Variants in PRR35 observed in about 807,000 individuals in gnomAD.
PRR35 encodes the protein proline rich 35.
In PRR35, 14 loss-of-function variants were observed where a neutral mutation model predicts 18.6. The observed-to-expected ratio is 0.75, with a 90% confidence interval of 0.50 to 1.18. The LOEUF (loss-of-function observed/expected upper bound fraction) is 1.18, where lower values mean the gene tolerates loss of function less well. Among genes scored for constraint, PRR35 ranks in the 50% most tolerant of loss-of-function variants. The probability of loss-of-function intolerance (pLI) is 0.00; values close to 1 mark genes in which losing one functional copy is unlikely to be tolerated. For missense variants in PRR35, 832 were observed against 792.2 expected (o/e 1.05, Z -0.60); for synonymous variants, 425 against 378.2 (o/e 1.12, Z -1.43).
Position 563,558 on chromosome 16 carries a change from C to A in PRR35, c.264C>A (p.Pro88=). 2 of 1,608,656 alleles carry A rather than the reference C, an allele frequency of 1.2e-6. No individual in the cohort carries two copies. Among genetic ancestry groups the A allele is most frequent in the Non-Finnish European group, 1.7e-6 (2 of 1,178,388 alleles). The change falls in exon 2 of 3, where the codon CCC becomes CCA. Residue 88 remains proline (P), a synonymous_variant. Coordinates refer to ENST00000409413, the MANE Select transcript of PRR35 (RefSeq NM_145270.3). ...RGSTTPRPHA[P]TPDRPGESDP... ...CCACCACGCCTAGGCCCCACGCACCCACCCCAGACCGCCCTGGGGAGTCCG... is the reference window on the plus strand; with the variant it reads ...CCACCACGCCTAGGCCCCACGCACCAACCCCAGACCGCCCTGGGGAGTCCG...
rs1237304345 is a variant in PRR35, at chr16:565,521, CTG to C, written c.*216_*217del. ...ACAATTGTGGACATTAAAACAGAAA[CTG>C]TTCACACACGCCGTCTGTGCCTCCT... On this transcript the variant is annotated 3_prime_UTR_variant, in exon 3 of 3. Coordinates refer to ENST00000409413, the MANE Select transcript of PRR35 (RefSeq NM_145270.3). The C allele has an allele frequency of 2.1e-6, 1 of 481,934 alleles. No homozygotes were observed. 29.9% of individuals were successfully genotyped at this position (481,934 alleles called of 1,614,324 possible).
At chr16:562,467 A>G (rs572506416) in intron 1 of PRR35, among the ~76,000 whole-genome samples, 1 of 151,820 alleles carries the variant, frequency 6.6e-6, no homozygotes, top group South Asian at 2.1e-4. Context: ...TGCACACACA[A>G]TGCACACACG....
At chr16:561,911 G>T in intron 1 of PRR35, 1 of 353,778 alleles carries the variant, frequency 2.8e-6, no homozygotes, top group Non-Finnish European at 4.0e-6. Context: ...GTGTTATCAC[G>T]GACAAGCAGC....
intron 1 of PRR35, among the ~76,000 whole-genome samples, chr16:562,789 C>G (rs1426561403): frequency 6.6e-6 from 1 of 152,226 alleles, no homozygotes; most frequent in East Asian, 1.9e-4. Flanking sequence ...TTTAGCCACT[C>G]ACATGCTGTG....
Position 560,561 on chromosome 16 carries a change from G to T in PRR35, c.-140G>T, listed in dbSNP as rs1257111440. The T allele has an allele frequency of 3.1e-6, 3 of 983,038 alleles. No individual in the cohort carries two copies. Among genetic ancestry groups the T allele is most frequent in the African/African-American group, 1.8e-5 (1 of 56,996 alleles). The allele number at this position is 983,038 out of a possible 1,614,324, so 60.9% of individuals were successfully genotyped here. On this transcript the variant is annotated 5_prime_UTR_variant, in exon 1 of 3. Transcript: ENST00000409413. Reference sequence around the variant, plus strand: ...ACCCCCAGAGCCCCAGCGCGTCCGCGGGGTCCGAGTCGCGGCCGGCGCGGG... The same window carrying T: ...ACCCCCAGAGCCCCAGCGCGTCCGCTGGGTCCGAGTCGCGGCCGGCGCGGG...
In PRR35 at chr16:563,401, A is replaced by G. The variant is rs1287445946; in HGVS notation, c.107A>G (p.Asn36Ser). 3 of 1,612,394 alleles carry G rather than the reference A, an allele frequency of 1.9e-6. No individual in the cohort carries two copies. The highest frequency in any genetic ancestry group is 2.5e-6 in the Non-Finnish European group (3 of 1,179,666). The stretch of plus-strand genomic sequence containing the variant: ...CCGCGGCCCTGGGGCAAACCCTACA[A>G]CTACAAATGCTTCCAGTGCCCCTTC... ...YIPRPWGKPY[N>S]YKCFQCPFTC... is the part of the protein sequence containing the mutation. Residue 36 changes from asparagine to serine, a missense_variant, in exon 2 of 3, where the codon AAC becomes AGC. By Grantham distance (46) the Asn-to-Ser change is conservative. Transcript: ENST00000409413.
At chr16:560,261 G>A (rs2035410876), upstream of PRR35, 9 of 800,630 alleles carry the variant, frequency 1.1e-5, no homozygotes, top group Non-Finnish European at 1.1e-5. Flanking sequence ...GGGGCGGCGG[G>A]GGGCGCGCGG....
chr16:563,784 C>T lies in PRR35; in HGVS notation c.490C>T (p.Pro164Ser). The T allele has an allele frequency of 6.7e-7, 1 of 1,499,338 alleles. No individual in the cohort carries two copies. Among genetic ancestry groups the T allele is most frequent in the South Asian group, 1.3e-5 (1 of 77,034 alleles). The allele number at this position is 1,499,338 out of a possible 1,614,324, so 92.9% of individuals were successfully genotyped here. ...TGGGCTCCTGCCTGAGTCGTGGAAG[C>T]CGGGGATGGGAGGGGACCCAAGGGG... Reference protein sequence around the residue: ...PSGLLPESWKPGMGGDPRGVG... With the variant: ...PSGLLPESWKSGMGGDPRGVG... Residue 164 changes from proline (P) to serine (S), a missense_variant, in exon 2 of 3, where the codon CCG becomes TCG. Transcript: ENST00000409413.
At chr16:559,881 C>T (rs2035406010), upstream of PRR35, 2 of 489,136 alleles carry the variant, frequency 4.1e-6, no homozygotes, top group African/African-American at 2.1e-5. Context: ...GAAGGGAGCC[C>T]GGCTCCGCTG....
chr16:563,207 G>A, intron 1 of PRR35, 49 bp from the exon 2 acceptor site: 1 of 1,435,904 alleles, frequency 7.0e-7, no homozygotes, highest in Non-Finnish European at 9.2e-7. Flanking sequence ...GAGAGGAGTG[G>A]GGAGTTAGTC....
At chr16:562,400 TGCC>T (rs764355978) in intron 1 of PRR35, among the ~76,000 whole-genome samples, 17 of 152,348 alleles carry the variant, frequency 1.1e-4, no homozygotes, top group Middle Eastern at 3.4e-3. Context: ...GCAGGCTCTG[TGCC>T]GCCTTTAGAC....
rs2035412946 is a variant in PRR35 at position 560,399 on chromosome 16, C to T, written c.-302C>T. ...GCGCGCCCGCCTCTGCCGCCAACTT[C>T]GGGAGGTGCGAGCGGCGTCGGGGGG... On this transcript the variant is annotated 5_prime_UTR_variant, in exon 1 of 3. Coordinates refer to ENST00000409413, the MANE Select transcript of PRR35 (RefSeq NM_145270.3). The T allele has an allele frequency of 1.0e-6, 1 of 982,790 alleles. No homozygotes were observed. The highest frequency in any genetic ancestry group is 4.7e-5 in the South Asian group (1 of 21,286). The allele number at this position is 982,790 out of a possible 1,614,324, so 60.9% of individuals were successfully genotyped here. A position where few individuals can be genotyped will look rare whatever the true frequency, so the allele number is the denominator to read the frequency against.
At chr16:562,192 G>A (rs2035445032) in intron 1 of PRR35, among the ~76,000 whole-genome samples, 1 of 152,252 alleles carries the variant, frequency 6.6e-6, no homozygotes, top group East Asian at 1.9e-4. Flanking sequence ...GGGGCGTGGG[G>A]AGGAGCGGGT....
chr16:563,134 A>C, intron 1 of PRR35, 122 bp from the exon 2 acceptor site: 1 of 970,244 alleles, frequency 1.0e-6, no homozygotes, highest in East Asian at 2.8e-5. Flanking sequence ...GTTGCAGGGC[A>C]GAGGCGGCGG....
chr16:562,370 C>T (rs2035447277), intron 1 of PRR35, among the ~76,000 whole-genome samples: 1 of 152,244 alleles, frequency 6.6e-6, no homozygotes, highest in Non-Finnish European at 1.5e-5. Flanking sequence ...CCCCCAGTGC[C>T]CACCTGACGC....
At position 565,077 on chromosome 16, in the gene PRR35, G is replaced by T; in HGVS notation, c.1486G>T (p.Gly496Cys). 1 of 1,592,900 alleles carries T rather than the reference G, an allele frequency of 6.3e-7. No individual in the cohort carries two copies. The highest frequency in any genetic ancestry group is 8.6e-7 in the Non-Finnish European group (1 of 1,169,512). ...RPELGPVLTGGTPEPPGMLGP... is the reference protein window; with the variant it reads ...RPELGPVLTGCTPEPPGMLGP... ...CGAGCTGGGTCCCGTGTTGACCGGG[G>T]GCACCCCCGAGCCACCCGGCATGCT... is the stretch of plus-strand genomic sequence containing the variant. The change falls in exon 3 of 3, where the codon GGC (glycine) becomes TGC (cysteine). Residue 496 changes from glycine to cysteine, a missense_variant. Physicochemically the swap from Gly to Cys is radical, Grantham distance 159. Around this residue, in one of 3 missense-constraint regions of PRR35, gnomAD observed 768 missense variants for 704.1 expected, o/e 1.09. Coordinates refer to ENST00000409413, the MANE Select transcript of PRR35 (RefSeq NM_145270.3).
At position 564,290 on chromosome 16, in the gene PRR35, T is replaced by C; in HGVS notation, c.996T>C (p.Ser332=). The change falls in exon 2 of 3, where the codon AGT becomes AGC. Residue 332 remains serine, a synonymous_variant. Transcript: ENST00000409413. ...QEGELERAAQ[S]DPRRRLSLGS... is the part of the protein sequence containing the mutation. The stretch of plus-strand genomic sequence containing the variant: ...GGGAGCTGGAGCGGGCAGCCCAGAG[T>C]GACCCCAGGAGGAGGCTGTCCCTGG... The C allele has an allele frequency of 6.3e-7, 1 of 1,576,980 alleles. No individual in the cohort carries two copies. The highest frequency in any genetic ancestry group is 8.6e-7 in the Non-Finnish European group (1 of 1,166,362).
chr16:560,572 C>T lies in PRR35; in HGVS notation c.-129C>T. Reference sequence around the variant, plus strand: ...CCCAGCGCGTCCGCGGGGTCCGAGTCGCGGCCGGCGCGGGGCGGGGAGGGG... The same window carrying T: ...CCCAGCGCGTCCGCGGGGTCCGAGTTGCGGCCGGCGCGGGGCGGGGAGGGG... On this transcript the variant is annotated 5_prime_UTR_variant, in exon 1 of 3. Coordinates refer to ENST00000409413, the MANE Select transcript of PRR35 (RefSeq NM_145270.3). The T allele has an allele frequency of 1.0e-6, 1 of 983,088 alleles. No homozygotes were observed. The highest frequency in any genetic ancestry group is 1.2e-6 in the Non-Finnish European group (1 of 829,022). The allele number at this position is 983,088 out of a possible 1,614,324, so 60.9% of individuals were successfully genotyped here. A position where few individuals can be genotyped will look rare whatever the true frequency, so the allele number is the denominator to read the frequency against.
At position 560,593 on chromosome 16, in the gene PRR35, AG is replaced by A; in HGVS notation, c.-104del. On this transcript the variant is annotated 5_prime_UTR_variant, in exon 1 of 3. Coordinates refer to ENST00000409413, the MANE Select transcript of PRR35 (RefSeq NM_145270.3). The stretch of plus-strand genomic sequence containing the variant: ...GAGTCGCGGCCGGCGCGGGGCGGGG[AG>A]GGGCGGGAAGTTTGCGCCCTACACG... The A allele has an allele frequency of 1.0e-6, 1 of 982,324 alleles. No homozygotes were observed. The highest frequency in any genetic ancestry group is 1.2e-6 in the Non-Finnish European group (1 of 828,902). 60.9% of individuals were successfully genotyped at this position (982,324 alleles called of 1,614,324 possible).
Sources: allele counts gnomAD v4.1 joint callset (sites outside exome capture counted in the v4.1 genomes callset), GRCh38; gene constraint gnomAD v4.1.1; regional missense constraint gnomAD v4.1.1; transcripts MANE v1.5; gene names NCBI Gene and HGNC (gene_info 2026-07-23, HGNC 2026-07-21).